Variants in TMPRSS15 observed in about 807,000 individuals in gnomAD.
The protein encoded by TMPRSS15 is enteropeptidase.
Under a neutral mutation model 125.3 loss-of-function variants are expected in TMPRSS15, and 128 were observed. The observed-to-expected ratio is 1.02, with a 90% CI of 0.89 to 1.18. TMPRSS15 has a LOEUF of 1.18. Ranked by LOEUF, TMPRSS15 falls within the 50% of genes most tolerant of loss-of-function variation. The pLI, the probability that TMPRSS15 is intolerant of heterozygous loss-of-function variation, is 0.00. For synonymous variants in TMPRSS15, 446 were observed against 423.2 expected, an observed-to-expected ratio of 1.05 and a Z score of -0.66; for missense variants, 1,283 against 1,212.7, an observed-to-expected ratio of 1.06 and a Z score of -0.86.
chr21:18,448,111 C>T (rs190571214), intron 1 of TMPRSS15, among the ~76,000 whole-genome samples: 9 of 152,184 alleles, frequency 5.9e-5, no homozygotes, highest in East Asian at 3.9e-4. Context: ...TACCAATAAA[C>T]GTATATCCAA....
At position 18,356,245 on chromosome 21, in the gene TMPRSS15, T is replaced by C. The variant is rs572795732; in HGVS notation, c.881-2382A>G. ...TGTGGGGAATTTGGAAAGACGGCAATGGACGGGGAAGACCAACTTTCTACA... is the reference window on the plus strand; with the variant it reads ...TGTGGGGAATTTGGAAAGACGGCAACGGACGGGGAAGACCAACTTTCTACA... On this transcript the variant is annotated intron_variant, in intron 8 of 24. Transcript: ENST00000284885. Among the ~76,000 whole-genome samples the C allele has an allele frequency of 5.3e-5, 8 of 151,926 alleles. No individual in the cohort carries two copies. The South Asian group carries it at 1.7e-3, about 31-fold the overall frequency.
At chr21:18,383,879 T>C in intron 3 of TMPRSS15, 101 bp from the exon 4 acceptor site, 1 of 1,355,058 alleles carries the variant, frequency 7.4e-7, no homozygotes, top group Non-Finnish European at 1.0e-6. Context: ...ATAGTTATCA[T>C]CTTGCTAATT....
chr21:18,275,127 G>A, intron 24 of TMPRSS15, 70 bp downstream of exon 24: 1 of 1,554,134 alleles, frequency 6.4e-7, no homozygotes, highest in South Asian at 1.1e-5. Context: ...CCTAATTATT[G>A]TTAAGCAATG....
chr21:18,453,138 C>T (rs916534812), intron 1 of TMPRSS15, among the ~76,000 whole-genome samples: 3 of 152,200 alleles, frequency 2.0e-5, no homozygotes, highest in Admixed American at 1.3e-4. Context: ...TGTCACATGT[C>T]AATCCCTTTA....
At position 18,299,769 on chromosome 21, in the gene TMPRSS15, C is replaced by T. The variant is rs144144314; in HGVS notation, c.2166-1940G>A. Among the ~76,000 whole-genome samples the T allele has an allele frequency of 3.0e-4, 46 of 152,286 alleles. 1 individual carries two copies. The highest frequency in any genetic ancestry group is 9.9e-4 in the African/African-American group (41 of 41,558). The stretch of plus-strand genomic sequence containing the variant: ...CTCTTTCCAGACAAGCAGCACCAGC[C>T]TCAGGAGAGAACATAGGTCCAAAGG... On this transcript the variant is annotated intron_variant, in intron 18 of 24. Coordinates refer to ENST00000284885, the MANE Select transcript of TMPRSS15 (RefSeq NM_002772.3).
intron 10 of TMPRSS15, among the ~76,000 whole-genome samples, chr21:18,350,160 A>G (rs950489352): frequency 2.0e-4 from 31 of 152,086 alleles, no homozygotes; most frequent in Non-Finnish European, 3.2e-4. Context: ...TGGGGTGATT[A>G]TCATGTAGGG....
intron 10 of TMPRSS15, among the ~76,000 whole-genome samples, chr21:18,350,567 G>A (rs937342784): frequency 2.0e-5 from 3 of 151,986 alleles, no homozygotes; most frequent in African/African-American, 2.4e-5. Context: ...GGAATAATCT[G>A]TGTGGCTAAT....
Position 18,276,846 on chromosome 21 carries a change from G to A in TMPRSS15, c.2765-1510C>T, listed in dbSNP as rs552149525. Among the ~76,000 whole-genome samples, 452 of 141,584 alleles carry A rather than the reference G, an allele frequency of 3.2e-3. 4 individuals are homozygous for A. Among genetic ancestry groups the A allele is most frequent in the Middle Eastern group, 0.016 (4 of 256 alleles). The allele number at this position is 141,584 out of a possible 152,430, so 92.9% of individuals were successfully genotyped here. A position where few individuals can be genotyped will look rare whatever the true frequency, so the allele number is the denominator to read the frequency against. On this transcript the variant is annotated intron_variant, in intron 23 of 24. Transcript: ENST00000284885. Reference sequence around the variant, plus strand: ...GCAATCTCGGCTCACTGCAACCTCCGCCTCCTGGGTTCAAGTGATTCTCCT... The same window carrying A: ...GCAATCTCGGCTCACTGCAACCTCCACCTCCTGGGTTCAAGTGATTCTCCT...
intron 1 of TMPRSS15, among the ~76,000 whole-genome samples, chr21:18,402,884 G>C (rs1601446010): frequency 6.6e-6 from 1 of 152,056 alleles, no homozygotes; most frequent in Non-Finnish European, 1.5e-5. Flanking sequence ...AAAAGCTGTT[G>C]GTACAAAGTT....
At chr21:18,352,508 C>A (rs1396117595) in intron 10 of TMPRSS15, among the ~76,000 whole-genome samples, 2 of 151,950 alleles carry the variant, frequency 1.3e-5, no homozygotes, top group African/African-American at 4.8e-5. Flanking sequence ...ATGCAAAAAT[C>A]CATTTTATTT....
intron 24 of TMPRSS15, among the ~76,000 whole-genome samples, chr21:18,270,629 C>T (rs1307171911): frequency 1.3e-5 from 2 of 152,034 alleles, no homozygotes; most frequent in Admixed American, 6.5e-5. Context: ...AAACACCATC[C>T]GATTTGAAAA....
intron 1 of TMPRSS15, among the ~76,000 whole-genome samples, chr21:18,447,439 C>CAAAAAAAAAAAAA: frequency 1.1e-5 from 1 of 88,122 alleles, no homozygotes. Flanking sequence ...GACTTCAACT[C>CAAAAAAAAAAAAA]AAAAAAAAAA....
intron 1 of TMPRSS15, among the ~76,000 whole-genome samples, chr21:18,428,344 C>T (rs9975427): frequency 0.11 from 16,803 of 152,102 alleles, 1,029 homozygotes; most frequent in African/African-American, 0.13. Context: ...AAAGGAAAAA[C>T]CCATCTTCCG....
chr21:18,446,736 C>T (rs1000749835), intron 1 of TMPRSS15, among the ~76,000 whole-genome samples: 43 of 152,084 alleles, frequency 2.8e-4, no homozygotes, highest in African/African-American at 1.0e-3. Flanking sequence ...GCTGAATATC[C>T]ACATGTCGAA....
chr21:18,463,246 C>CAAAAAAAAAAAAAAAAAAAAAAAAAA (rs57033426), intron 1 of TMPRSS15, among the ~76,000 whole-genome samples: 1 of 11,516 alleles, frequency 8.7e-5, no homozygotes, highest in Non-Finnish European at 1.7e-4. Context: ...AAATGGAAAG[C>CAAAAAAAAAAAAAAAAAAAAAAAAAA]AAAAAAAAAA....
At position 18,343,608 on chromosome 21, in the gene TMPRSS15, G is replaced by A; in HGVS notation, c.1326C>T (p.Ser442=). Reference sequence around the variant, plus strand: ...CTGTCTTCTCCATATTTTGGTCATTGCTGATATTAATGCTTAATTTATGGA... The same window carrying A: ...CTGTCTTCTCCATATTTTGGTCATTACTGATATTAATGCTTAATTTATGGA... ...ENVHKLSINI[S]NDQNMEKTVF... The change falls in exon 12 of 25, where the codon AGC becomes AGT. Residue 442 remains serine, a synonymous_variant. Transcript: ENST00000284885. 6.2e-7 allele frequency: 1 copy of A among 1,613,304 alleles called. No homozygotes were observed. The highest frequency in any genetic ancestry group is 8.5e-7 in the Non-Finnish European group (1 of 1,179,498).
intron 6 of TMPRSS15, among the ~76,000 whole-genome samples, chr21:18,366,997 CAT>C (rs1345395060): frequency 2.6e-5 from 4 of 151,648 alleles, no homozygotes; most frequent in Admixed American, 1.3e-4. Context: ...ATTAAAATAT[CAT>C]GTGTTTATTG....
chr21:18,315,403 T>C (rs1230887654), intron 16 of TMPRSS15, 147 bp from the exon 17 acceptor site: 6 of 664,676 alleles, frequency 9.0e-6, no homozygotes, highest in Non-Finnish European at 1.6e-5. Context: ...AAATGAGAGT[T>C]AATGGGTGCA....
chr21:18,301,140 A>G (rs1798714549), intron 18 of TMPRSS15, among the ~76,000 whole-genome samples: 1 of 152,172 alleles, frequency 6.6e-6, no homozygotes, highest in Non-Finnish European at 1.5e-5. Context: ...TTTGTACTAA[A>G]TATTGTTACC....
Sources: gnomAD v4.1 joint callset for allele counts (sites outside exome capture counted in the v4.1 genomes callset) on GRCh38, gnomAD v4.1.1 for gene constraint, MANE v1.5 for transcripts, NCBI Gene and HGNC (gene_info 2026-07-23, HGNC 2026-07-21) for gene names.